MPP7: variants seen among roughly 807,000 people sequenced by gnomAD.
MPP7 encodes MAGUK p55 scaffold protein 7.
MPP7 carries 60 observed loss-of-function variants against 76.5 expected under a neutral mutation model. That is an observed-to-expected ratio of 0.78 (90% CI 0.64 to 0.97). The LOEUF (loss-of-function observed/expected upper bound fraction) is 0.97. MPP7 is among the 50% of genes least tolerant of loss of function. MPP7 has a pLI of 0.00. For missense variants in MPP7, 641 were observed against 694.0 expected (o/e 0.92, Z 0.86); for synonymous variants, 237 against 244.5 (o/e 0.97, Z 0.29).
intron 1 of MPP7, among the ~76,000 whole-genome samples, chr10:28,246,112 GA>G (rs1839425937): frequency 6.6e-6 from 1 of 152,086 alleles, no homozygotes; most frequent in African/African-American, 2.4e-5. Flanking sequence ...AGAAGCTTAA[GA>G]AACTGAATTG....
chr10:28,095,449 T>C (rs1469696427), intron 11 of MPP7, among the ~76,000 whole-genome samples: 4 of 152,242 alleles, frequency 2.6e-5, no homozygotes, highest in Admixed American at 1.3e-4. Flanking sequence ...TCAGAGGTGA[T>C]AGCACACTTC....
intron 3 of MPP7, among the ~76,000 whole-genome samples, chr10:28,158,991 C>T (rs1203882417): frequency 6.6e-6 from 1 of 152,124 alleles, no homozygotes; most frequent in Non-Finnish European, 1.5e-5. Context: ...ACACTATCCC[C>T]CATCCCCAAG....
chr10:28,096,596 T>C (rs1853581034), intron 11 of MPP7, among the ~76,000 whole-genome samples: 1 of 152,204 alleles, frequency 6.6e-6, no homozygotes, highest in Non-Finnish European at 1.5e-5. Flanking sequence ...TTAACTGTCA[T>C]CATAAAGAAA....
At chr10:28,329,428 A>T (rs928780366) in intron 2 of MPP7, among the ~76,000 whole-genome samples, 1 of 152,060 alleles carries the variant, frequency 6.6e-6, no homozygotes, top group South Asian at 2.1e-4. Flanking sequence ...GGAGATGGAA[A>T]CCATCCTGGC....
At chr10:28,308,626 T>C (rs1000540711) in intron 2 of MPP7, among the ~76,000 whole-genome samples, 3 of 152,138 alleles carry the variant, frequency 2.0e-5, no homozygotes, top group African/African-American at 7.2e-5. Context: ...TCACACCTAT[T>C]AATTATCTTG....
intron 5 of MPP7, among the ~76,000 whole-genome samples, chr10:28,141,881 T>A (rs1213252659): frequency 6.6e-6 from 1 of 151,882 alleles, no homozygotes; most frequent in African/African-American, 2.4e-5. Flanking sequence ...AACAATAAGA[T>A]AACCAAATTA....
At chr10:28,248,058 G>GAC (rs2132826031) in intron 1 of MPP7, among the ~76,000 whole-genome samples, 1 of 152,280 alleles carries the variant, frequency 6.6e-6, no homozygotes, top group Non-Finnish European at 1.5e-5. Context: ...GTTATGTAAA[G>GAC]ACGGAGCAAA....
chr10:28,305,734 A>G (rs758964874), upstream of MPP7: 1 of 152,334 alleles, frequency 6.6e-6, no homozygotes, highest in African/African-American at 2.4e-5. Context: ...GCCATTGCAT[A>G]ACCAGTCAAC....
intron 1 of MPP7, among the ~76,000 whole-genome samples, chr10:28,252,774 A>G (rs1839655785): frequency 6.6e-6 from 1 of 152,180 alleles, no homozygotes; most frequent in South Asian, 2.1e-4. Context: ...TTTAAGTAAC[A>G]TCAACCAGCA....
chr10:28,270,652 C>T (rs1324391845), intron 1 of MPP7, among the ~76,000 whole-genome samples: 1 of 152,024 alleles, frequency 6.6e-6, no homozygotes, highest in Non-Finnish European at 1.5e-5. Flanking sequence ...TCAACGCCCT[C>T]TATCCTCGTT....
At chr10:28,228,330 C>T (rs559705862) in intron 2 of MPP7, among the ~76,000 whole-genome samples, 5 of 151,990 alleles carry the variant, frequency 3.3e-5, no homozygotes, top group African/African-American at 9.7e-5. Flanking sequence ...TATTCATTAC[C>T]TTCAGTAATT....
At chr10:28,178,938 TCTCTTTAAAAG>T (rs1836966388) in intron 3 of MPP7, among the ~76,000 whole-genome samples, 1 of 152,046 alleles carries the variant, frequency 6.6e-6, no homozygotes, top group Admixed American at 6.6e-5. Context: ...GTTGAAGAAA[TCTCTTTAAAAG>T]CAAAGGTAAA....
intron 4 of MPP7, among the ~76,000 whole-genome samples, chr10:28,148,049 T>C (rs1588848806): frequency 1.3e-5 from 2 of 152,318 alleles, no homozygotes; most frequent in East Asian, 3.9e-4. Flanking sequence ...ATAATTAGAA[T>C]GCCCCTAATA....
intron 3 of MPP7, among the ~76,000 whole-genome samples, chr10:28,188,019 G>A (rs917543538): frequency 6.6e-6 from 1 of 152,116 alleles, no homozygotes; most frequent in Non-Finnish European, 1.5e-5. Flanking sequence ...AACTTCAAAA[G>A]TATATTCTTG....
rs1169846524 is a variant in MPP7, at chr10:28,125,012, CT to C, written c.526del (p.Ser176ValfsTer26). Reference sequence around the variant, plus strand: ...TTGGTTAACATTTAAAGTCTCACCACTTCTATCTGCAGCTCCTCCTCTCATG... The same window carrying C: ...TTGGTTAACATTTAAAGTCTCACCACTCTATCTGCAGCTCCTCCTCTCATG... ...RIMRGGAADR[S>X]GLIHVGDELR... is the part of the protein sequence containing the mutation. On this transcript the variant is annotated frameshift_variant, in exon 7 of 17. Transcript: ENST00000683449. LOFTEE classifies it high-confidence loss of function. The C allele has an allele frequency of 3.1e-6, 5 of 1,613,722 alleles. No homozygotes were observed. Among genetic ancestry groups the C allele is most frequent in the Non-Finnish European group, 4.2e-6 (5 of 1,179,770 alleles).
chr10:28,220,475 T>C (rs1423274584), intron 2 of MPP7, among the ~76,000 whole-genome samples: 2 of 152,190 alleles, frequency 1.3e-5, no homozygotes, highest in South Asian at 2.1e-4. Flanking sequence ...GGCTTTATGA[T>C]ATTCATAGTA....
intron 15 of MPP7, 47 bp from the exon 16 acceptor site, chr10:28,056,670 T>C: frequency 1.4e-6 from 2 of 1,469,180 alleles, no homozygotes; most frequent in Non-Finnish European, 1.8e-6. Context: ...CATAGCATCA[T>C]GAATTACTGA....
At chr10:28,275,070 A>G (rs1293332270) in intron 1 of MPP7, among the ~76,000 whole-genome samples, 3 of 152,200 alleles carry the variant, frequency 2.0e-5, no homozygotes, top group Non-Finnish European at 2.9e-5. Context: ...GCATTGTTGA[A>G]CCTGAAAATG....
intron 2 of MPP7, among the ~76,000 whole-genome samples, chr10:28,308,831 C>T (rs1841273530): frequency 1.3e-5 from 2 of 152,082 alleles, no homozygotes; most frequent in South Asian, 4.1e-4. Flanking sequence ...TTGTCTCTTC[C>T]TGCTTCAGTC....
Sources: gnomAD v4.1 joint callset for allele counts (sites outside exome capture counted in the v4.1 genomes callset) on GRCh38, gnomAD v4.1.1 for gene constraint, MANE v1.5 for transcripts, NCBI Gene and HGNC (gene_info 2026-07-23, HGNC 2026-07-21) for gene names.